Variants in SLC35F3 observed in about 807,000 individuals in gnomAD.
SLC35F3 encodes the protein solute carrier family 35 member F3, also known as putative thiamine transporter SLC35F3.
Under a neutral mutation model 49.9 loss-of-function variants are expected in SLC35F3, and 25 were observed. The observed-to-expected ratio is 0.50, with a 90% confidence interval of 0.37 to 0.70. The LOEUF (loss-of-function observed/expected upper bound fraction) is 0.70. Ranked by LOEUF, SLC35F3 falls within the 30% of genes least tolerant of loss-of-function variation. The pLI, the probability that SLC35F3 is intolerant of heterozygous loss-of-function variation, is 0.00. For missense variants in SLC35F3, 525 were observed against 639.8 expected (o/e 0.82, Z 1.94); for synonymous variants, 275 against 265.4 (o/e 1.04, Z -0.35).
intron 2 of SLC35F3, among the ~76,000 whole-genome samples, chr1:233,976,911 G>A (rs115747377): frequency 0.021 from 3,240 of 152,152 alleles, 125 homozygotes; most frequent in African/African-American, 0.074. Context: ...ATGCCCGGCT[G>A]GTACTCAATT....
intron 2 of SLC35F3, among the ~76,000 whole-genome samples, chr1:234,049,855 T>A: frequency 6.6e-6 from 1 of 152,158 alleles, no homozygotes; most frequent in East Asian, 1.9e-4. Flanking sequence ...TTCTCATTGT[T>A]CAATTCCCAC....
chr1:234,140,442 C>A (rs532245613), intron 2 of SLC35F3, among the ~76,000 whole-genome samples: 40 of 152,150 alleles, frequency 2.6e-4, no homozygotes, highest in Middle Eastern at 6.8e-3. Flanking sequence ...ATAAATTAAA[C>A]TTTATTATAG....
intron 2 of SLC35F3, among the ~76,000 whole-genome samples, chr1:234,005,885 T>TCA: frequency 6.6e-6 from 1 of 152,302 alleles, no homozygotes; most frequent in Middle Eastern, 3.4e-3. Context: ...GAAGACTGGA[T>TCA]CACGCATCCT....
intron 2 of SLC35F3, among the ~76,000 whole-genome samples, chr1:234,137,992 G>A (rs886644950): frequency 7.1e-6 from 1 of 140,960 alleles, no homozygotes; most frequent in African/African-American, 2.5e-5. Flanking sequence ...GAATGGAAGA[G>A]AGAGAGTTAA....
In SLC35F3 at chr1:234,178,355, A is replaced by G. The variant is rs144181239; in HGVS notation, c.284-53062A>G. 6.0e-3 allele frequency among the ~76,000 whole-genome samples: 920 copies of G among 152,166 alleles called. 7 individuals are homozygous for G. The highest frequency in any genetic ancestry group is 0.03 in the South Asian group (144 of 4,812). On this transcript the variant is annotated intron_variant, in intron 2 of 7. Transcript: ENST00000366618. The stretch of plus-strand genomic sequence containing the variant: ...TATGACTTTTAAGAATAAGCACACT[A>G]CATATATTTATCTGGCCATTTTCAG...
intron 2 of SLC35F3, among the ~76,000 whole-genome samples, chr1:234,048,415 AG>A: frequency 6.6e-6 from 1 of 152,308 alleles, no homozygotes; most frequent in South Asian, 2.1e-4. Flanking sequence ...TTATACTGGC[AG>A]AGACACTGTC....
At chr1:233,971,717 C>CA (rs59905472) in intron 2 of SLC35F3, among the ~76,000 whole-genome samples, 70,536 of 117,088 alleles carry the variant, frequency 0.6, 20,893 homozygotes, top group African/African-American at 0.76. Context: ...GACTCCGACT[C>CA]AAAAAAAAAA....
intron 3 of SLC35F3, among the ~76,000 whole-genome samples, chr1:234,232,519 C>CAAAAAAAAAAAAAAAAAAAAAA (rs536692686): frequency 1.5e-4 from 11 of 72,346 alleles, no homozygotes; most frequent in Non-Finnish European, 2.0e-4. Flanking sequence ...CAGGCCTAGT[C>CAAAAAAAAAAAAAAAAAAAAAA]AAAAAAAAAA....
rs1055005010 is a variant in SLC35F3 at position 234,214,732 on chromosome 1, G to T, written c.284-16685G>T. On this transcript the variant is annotated intron_variant, in intron 2 of 7. Coordinates refer to ENST00000366618, the MANE Select transcript of SLC35F3 (RefSeq NM_173508.4). This position sits in a 1 kb window ranked among gnomAD's most constrained non-coding sequence, Gnocchi z 8.0. ...CAGAGCGCCGCCGCCTGCGTGGGGG[G>T]ATCTGGCAGCTTCAGGGGCTGCCCT... 2.0e-6 allele frequency: 2 copies of T among 1,019,046 alleles called. No individual in the cohort carries two copies. Among genetic ancestry groups the T allele is most frequent in the Non-Finnish European group, 2.7e-6 (2 of 750,162 alleles). 63.1% of individuals were successfully genotyped at this position (1,019,046 alleles called of 1,614,324 possible). A position where few individuals can be genotyped will look rare whatever the true frequency, so the allele number is the denominator to read the frequency against.
At chr1:234,164,350 C>A (rs1666280236) in intron 2 of SLC35F3, among the ~76,000 whole-genome samples, 1 of 148,918 alleles carries the variant, frequency 6.7e-6, no homozygotes, top group Admixed American at 6.7e-5. Context: ...CTCTCTCCCC[C>A]CTCCCTCCTT....
intron 3 of SLC35F3, among the ~76,000 whole-genome samples, chr1:234,275,484 C>G (rs1053950028): frequency 6.6e-6 from 1 of 152,052 alleles, no homozygotes; most frequent in Non-Finnish European, 1.5e-5. Flanking sequence ...AACACAGATT[C>G]TTTTCTCAAT....
intron 2 of SLC35F3, among the ~76,000 whole-genome samples, chr1:234,153,858 G>A (rs930120268): frequency 6.6e-6 from 1 of 151,890 alleles, no homozygotes; most frequent in Admixed American, 6.6e-5. Flanking sequence ...CGGATCACGA[G>A]GTCAGGAGAT....
rs137942881 is a variant in SLC35F3, at chr1:233,905,622, G to A, written c.147G>A (p.Ala49=). The part of the protein sequence containing the change: ...RQLKYLVVDE[A]IKEDLKWSRS... The stretch of plus-strand genomic sequence containing the variant: ...TCAAGTACTTGGTGGTGGACGAGGC[G>A]ATTAAGGAGGATCTGAAATGGTCGC... The change falls in exon 2 of 8, where the codon GCG becomes GCA. Residue 49 remains alanine, a synonymous_variant. Coordinates refer to ENST00000366618, the MANE Select transcript of SLC35F3 (RefSeq NM_173508.4). 3.1e-6 allele frequency: 5 copies of A among 1,614,054 alleles called. No homozygotes were observed. In the African/African-American group the frequency reaches 6.7e-5, roughly 22 times the overall value.
intron 3 of SLC35F3, among the ~76,000 whole-genome samples, chr1:234,238,700 C>G (rs907978782): frequency 1.2e-4 from 19 of 152,162 alleles, no homozygotes; most frequent in Admixed American, 7.9e-4. Context: ...CCCCTACAGA[C>G]AAGTTCAGAA....
chr1:234,214,602 G>A lies in SLC35F3; in HGVS notation c.284-16815G>A, dbSNP rs531110309. 9.2e-6 allele frequency: 14 copies of A among 1,517,402 alleles called. No individual in the cohort carries two copies. The highest frequency in any genetic ancestry group is 1.1e-5 in the Non-Finnish European group (13 of 1,132,700). The allele number at this position is 1,517,402 out of a possible 1,614,324, so 94.0% of individuals were successfully genotyped here. On this transcript the variant is annotated intron_variant, in intron 2 of 7. Coordinates refer to ENST00000366618, the MANE Select transcript of SLC35F3 (RefSeq NM_173508.4). The surrounding 1 kb of genome is among the most constrained non-coding windows in gnomAD (Gnocchi z 8.0). ...AATGCGCGGCCGCCTCGCCCCGGGG[G>A]TCCCTGCACCCTAGCCGGGGAATGC...
chr1:234,057,472 T>C (rs1377194875), intron 2 of SLC35F3, among the ~76,000 whole-genome samples: 1 of 152,228 alleles, frequency 6.6e-6, no homozygotes, highest in Non-Finnish European at 1.5e-5. Context: ...TTCAAGTATA[T>C]AGAAATGCAA....
intron 2 of SLC35F3, among the ~76,000 whole-genome samples, chr1:234,145,484 A>C (rs77025594): frequency 0.069 from 10,404 of 151,652 alleles, 589 homozygotes; most frequent in African/African-American, 0.14. Context: ...GCTTCTCTTC[A>C]TTTTCTGAGG....
At chr1:233,908,360 A>G (rs553107864) in intron 2 of SLC35F3, among the ~76,000 whole-genome samples, 2 of 152,104 alleles carry the variant, frequency 1.3e-5, no homozygotes, top group African/African-American at 4.8e-5. Context: ...AGCAGAAGAA[A>G]CCATTTGAAT....
intron 2 of SLC35F3, among the ~76,000 whole-genome samples, chr1:234,165,742 G>A (rs901789737): frequency 6.6e-6 from 1 of 152,032 alleles, no homozygotes; most frequent in East Asian, 1.9e-4. Flanking sequence ...AGGGGTACAA[G>A]TGCTTTTAGG....
Sources: gnomAD v4.1 joint callset for allele counts (sites outside exome capture counted in the v4.1 genomes callset) on GRCh38, gnomAD v4.1.1 for gene constraint, Gnocchi (gnomAD v3.1) non-coding constraint, MANE v1.5 for transcripts, NCBI Gene and HGNC (gene_info 2026-07-23, HGNC 2026-07-21) for gene names.